The following MTOR variants were observed in gnomAD, a reference collection of about 807,000 sequenced individuals.
MTOR encodes serine/threonine-protein kinase mTOR.
MTOR carries 70 observed loss-of-function variants against 319.8 expected under a neutral mutation model. That is an observed-to-expected ratio of 0.22 (90% CI 0.18 to 0.27). The LOEUF is 0.27. MTOR is among the 10% of genes least tolerant of loss of function. The pLI, the probability that MTOR is intolerant of heterozygous loss-of-function variation, is 1.00. For missense variants in MTOR, 1,890 were observed against 3,274.4 expected (o/e 0.58, Z 10.32); for synonymous variants, 1,183 against 1,211.4 (o/e 0.98, Z 0.49).
intron 36 of MTOR, among the ~76,000 whole-genome samples, chr1:11,136,041 A>G (rs966974905): frequency 6.6e-6 from 1 of 152,126 alleles, no homozygotes; most frequent in Non-Finnish European, 1.5e-5. Flanking sequence ...AGGCTGAGGC[A>G]GGAGAATTGC....
chr1:11,164,317 A>G (rs1163986518), intron 29 of MTOR, among the ~76,000 whole-genome samples: 1 of 145,946 alleles, frequency 6.9e-6, no homozygotes. Context: ...CCTGGGCGAC[A>G]GAGTAAGACT....
Position 11,259,323 on chromosome 1 carries a change from T to C in MTOR, c.87A>G (p.Leu29=). The change falls in exon 2 of 58, where the codon CTA becomes CTG. Residue 29 remains leucine, a synonymous_variant. Transcript: ENST00000361445. ...CCCTGGTTTCCTCATTCCGGCTCTT[T>C]AGGCCACTGGCAAACTGCTGCAGGA... ...VSVLQQFASG[L]KSRNEETRAK... 6.2e-7 allele frequency: 1 copy of C among 1,613,362 alleles called. No homozygotes were observed. The highest frequency in any genetic ancestry group is 8.5e-7 in the Non-Finnish European group (1 of 1,179,768).
intron 19 of MTOR, among the ~76,000 whole-genome samples, chr1:11,217,658 G>A (rs945965732): frequency 1.1e-4 from 16 of 150,338 alleles, no homozygotes; most frequent in Admixed American, 7.3e-4. Context: ...TGATCCGCCC[G>A]CCTTGCCCTC....
rs1040834431 is a variant in MTOR, at chr1:11,127,310, G to C, written c.6217-166C>G. ...GCATAGGTGCAGGCCTCCAACCCTG[G>C]AGCTTCCAAACCAGCAGCATGGCTT... On this transcript the variant is annotated intron_variant, in intron 44 of 57. Transcript: ENST00000361445. This position sits in a 1 kb window ranked among gnomAD's most constrained non-coding sequence, Gnocchi z 5.5. Among the ~76,000 whole-genome samples, 4 of 152,214 alleles carry C rather than the reference G, an allele frequency of 2.6e-5. No individual in the cohort carries two copies. The highest frequency in any genetic ancestry group is 5.9e-5 in the Non-Finnish European group (4 of 68,032).
chr1:11,145,686 T>C (rs184453397), intron 32 of MTOR, among the ~76,000 whole-genome samples: 1 of 152,304 alleles, frequency 6.6e-6, no homozygotes, highest in Admixed American at 6.5e-5. Context: ...GTATTTTTAG[T>C]AGAGATAGGG....
At position 11,212,931 on chromosome 1, in the gene MTOR, G is replaced by A. The variant is rs771492244; in HGVS notation, c.3286-23C>T. On this transcript the variant is annotated intron_variant, in intron 21 of 57. Coordinates refer to ENST00000361445, the MANE Select transcript of MTOR (RefSeq NM_004958.4). The surrounding 1 kb of genome is among the most constrained non-coding windows in gnomAD (Gnocchi z 4.1). ...TAACTGCAAAAGGGAGCAAAAGCATGGTGATGAATAGTCAGGTCCCAAGTA... is the reference window on the plus strand; with the variant it reads ...TAACTGCAAAAGGGAGCAAAAGCATAGTGATGAATAGTCAGGTCCCAAGTA... 1 of 1,585,456 alleles carries A rather than the reference G, an allele frequency of 6.3e-7. No homozygotes were observed. Among genetic ancestry groups the A allele is most frequent in the East Asian group, 2.2e-5 (1 of 44,694 alleles).
At chr1:11,256,882 T>A in intron 4 of MTOR, 51 bp downstream of exon 4, 2 of 1,554,478 alleles carry the variant, frequency 1.3e-6, no homozygotes, top group Non-Finnish European at 1.8e-6. Flanking sequence ...GACCCCCCCA[T>A]GACACCATCG....
At chr1:11,151,406 C>A (rs4394660) in intron 30 of MTOR, among the ~76,000 whole-genome samples, 1,701 of 152,236 alleles carry the variant, frequency 0.011, 66 homozygotes, top group South Asian at 0.066. Context: ...ATTAAGGGAA[C>A]AGGATAAACC....
At chr1:11,247,766 A>C (rs1268564078) in intron 7 of MTOR, 33 bp from the exon 8 acceptor site, 1 of 1,613,784 alleles carries the variant, frequency 6.2e-7, no homozygotes, top group Non-Finnish European at 8.5e-7. Flanking sequence ...TTGGCAGGGG[A>C]AAAGTGAGGT....
intron 47 of MTOR, 65 bp downstream of exon 47, chr1:11,124,433 G>GA (rs1287845600): frequency 6.4e-7 from 1 of 1,569,154 alleles, no homozygotes; most frequent in Admixed American, 1.7e-5. Flanking sequence ...ATGACTACAC[G>GA]AGACAAATGT....
chr1:11,132,858 A>G (rs1032899666), intron 38 of MTOR: 3 of 527,352 alleles, frequency 5.7e-6, no homozygotes, highest in Non-Finnish European at 1.0e-5. Flanking sequence ...TACACATAAT[A>G]ATGGTGTAAC....
chr1:11,193,051 A>G (rs751070659), intron 28 of MTOR, among the ~76,000 whole-genome samples: 7 of 152,106 alleles, frequency 4.6e-5, no homozygotes, highest in Non-Finnish European at 1.0e-4. Flanking sequence ...GGTGGCTCAC[A>G]CCTGTAATCC....
chr1:11,169,302 C>T (rs1340363464), intron 28 of MTOR, among the ~76,000 whole-genome samples: 1 of 152,136 alleles, frequency 6.6e-6, no homozygotes, highest in Non-Finnish European at 1.5e-5. Context: ...CCCATGCATC[C>T]CTAAGAGTGG....
intron 28 of MTOR, among the ~76,000 whole-genome samples, chr1:11,178,741 A>G (rs1330014694): frequency 6.6e-6 from 1 of 152,236 alleles, no homozygotes; most frequent in African/African-American, 2.4e-5. Flanking sequence ...GTGGGCTGAT[A>G]GAGTGACTCC....
In MTOR at chr1:11,128,029, T is replaced by C. The variant is rs1046384472; in HGVS notation, c.6008A>G (p.Asn2003Ser). Residue 2003 changes from asparagine (N) to serine (S), a missense_variant, in exon 43 of 58, where the codon AAC becomes AGC. Physicochemically the swap from Asn to Ser is conservative, Grantham distance 46. This residue lies in a region of MTOR where 249 missense variants were observed against 596.2 expected (regional missense o/e 0.42). Transcript: ENST00000361445. The surrounding 1 kb of genome is among the most constrained non-coding windows in gnomAD (Gnocchi z 5.3). Reference protein sequence around the residue: ...KILKNMCEHSNTLVQQAMMVS... With the variant: ...KILKNMCEHSSTLVQQAMMVS... ...CATCATGGCCTGCTGGACCAGGGTG[T>C]TGCTGTGCTCACACATGTTCTTCAG... is the stretch of plus-strand genomic sequence containing the variant. 4 of 1,614,008 alleles carry C rather than the reference T, an allele frequency of 2.5e-6. No homozygotes were observed. The African/African-American group carries it at 4.0e-5, about 16-fold the overall frequency.
At chr1:11,194,625 C>A (rs368746195) in intron 28 of MTOR, 5 of 1,614,086 alleles carry the variant, frequency 3.1e-6, no homozygotes, top group Non-Finnish European at 4.2e-6. Flanking sequence ...AGGACAATGA[C>A]AACTGCTTGG....
intron 49 of MTOR, among the ~76,000 whole-genome samples, chr1:11,118,363 A>G (rs1438361775): frequency 2.3e-5 from 2 of 85,452 alleles, no homozygotes; most frequent in African/African-American, 5.4e-5. Context: ...CAGCCTCCTG[A>G]GTAGCTAGGA....
rs1223666941 is a variant in MTOR at position 11,127,601 on chromosome 1, C to T, written c.6216+23G>A. 2 of 1,584,220 alleles carry T rather than the reference C, an allele frequency of 1.3e-6. No homozygotes were observed. The highest frequency in any genetic ancestry group is 1.7e-6 in the Non-Finnish European group (2 of 1,167,654). Reference sequence around the variant, plus strand: ...CAGAATATTTCTACAGGGTTATGTCCTTTCGTGTTTTTTACCCCATACCTG... The same window carrying T: ...CAGAATATTTCTACAGGGTTATGTCTTTTCGTGTTTTTTACCCCATACCTG... On this transcript the variant is annotated intron_variant, in intron 44 of 57. Coordinates refer to ENST00000361445, the MANE Select transcript of MTOR (RefSeq NM_004958.4). The surrounding 1 kb of genome is among the most constrained non-coding windows in gnomAD (Gnocchi z 5.5).
chr1:11,162,749 C>A (rs1644516209), intron 29 of MTOR, among the ~76,000 whole-genome samples: 1 of 152,246 alleles, frequency 6.6e-6, no homozygotes, highest in Non-Finnish European at 1.5e-5. Flanking sequence ...GATTTTGTCA[C>A]CACCAGGCCT....
Sources: gnomAD v4.1 joint callset for allele counts (sites outside exome capture counted in the v4.1 genomes callset) on GRCh38, gnomAD v4.1.1 for gene constraint, gnomAD v4.1.1 regional missense constraint, Gnocchi (gnomAD v3.1) non-coding constraint, MANE v1.5 for transcripts, NCBI Gene and HGNC (gene_info 2026-07-23, HGNC 2026-07-21) for gene names.